RSF1: variants seen among roughly 807,000 people sequenced by gnomAD.
RSF1 encodes the protein HBV pX-associated protein 8.
In RSF1, 13 loss-of-function variants were observed where a neutral mutation model predicts 145.2. The observed-to-expected ratio is 0.09, with a 90% CI of 0.06 to 0.14. The LOEUF (loss-of-function observed/expected upper bound fraction) is 0.14, where lower values mean the gene tolerates loss of function less well. Among genes scored for constraint, RSF1 ranks in the 10% least tolerant of loss-of-function variants. RSF1 has a pLI of 1.00. For synonymous variants in RSF1, 577 were observed against 592.6 expected (o/e 0.97, Z 0.38); for missense variants, 1,517 against 1,718.2 (o/e 0.88, Z 2.07).
intron 4 of RSF1, 127 bp from the exon 5 acceptor site, chr11:77,725,826 C>A (rs771979268): frequency 3.2e-6 from 2 of 618,690 alleles, no homozygotes; most frequent in Non-Finnish European, 4.9e-6. Flanking sequence ...AACACTGGTA[C>A]AGCTAGCCCT....
the RSF1 span, among the ~76,000 whole-genome samples, chr11:77,827,751 T>C: frequency 1.3e-5 from 2 of 152,142 alleles, no homozygotes; most frequent in Non-Finnish European, 2.9e-5. Flanking sequence ...TTTAATATTA[T>C]ACTGGAGGTT....
intron 11 of RSF1, among the ~76,000 whole-genome samples, chr11:77,682,879 T>C (rs1959901288): frequency 6.7e-6 from 1 of 149,134 alleles, no homozygotes; most frequent in Admixed American, 6.6e-5. Flanking sequence ...AAACAGCATG[T>C]GCAAAGGGAC....
chr11:77,828,696 T>C, the RSF1 span, among the ~76,000 whole-genome samples: 12 of 141,378 alleles, frequency 8.5e-5, no homozygotes, highest in Non-Finnish European at 1.9e-4. Flanking sequence ...AGAAAGAAAA[T>C]TATAAAACAT....
the RSF1 span, among the ~76,000 whole-genome samples, chr11:77,853,442 T>C: frequency 1.3e-5 from 2 of 151,812 alleles, no homozygotes; most frequent in East Asian, 1.9e-4. Context: ...GCTATATACT[T>C]TTAAACAACC....
chr11:77,820,210 C>T (rs895190123), intron 1 of RSF1, among the ~76,000 whole-genome samples: 3 of 152,150 alleles, frequency 2.0e-5, no homozygotes, highest in African/African-American at 7.2e-5. Flanking sequence ...GGGGGCCGCC[C>T]TCCGCCGCGG....
At chr11:77,683,855 C>T in intron 10 of RSF1, 36 bp from the exon 11 acceptor site, 1 of 1,473,384 alleles carries the variant, frequency 6.8e-7, no homozygotes, top group East Asian at 2.3e-5. Context: ...GAGGTTATTC[C>T]TTATGCAGAA....
intron 5 of RSF1, among the ~76,000 whole-genome samples, chr11:77,716,974 T>TCA (rs1321474828): frequency 6.6e-6 from 1 of 151,900 alleles, no homozygotes; most frequent in African/African-American, 2.4e-5. Context: ...GCTCAGGAGT[T>TCA]CAAGACCAGC....
At chr11:77,748,214 A>ATCTTTTTTTTTTT (rs1047116915) in intron 2 of RSF1, among the ~76,000 whole-genome samples, 1 of 143,266 alleles carries the variant, frequency 7.0e-6, no homozygotes, top group African/African-American at 2.6e-5. Context: ...ATAATAGAGG[A>ATCTTTTTTTTTTT]TCTTTTTTTT....
intron 4 of RSF1, chr11:77,739,388 T>C (rs937047291): frequency 2.0e-5 from 3 of 148,618 alleles, no homozygotes; most frequent in African/African-American, 5.1e-5. Context: ...TATAATGTCA[T>C]GAATAGATCA....
intron 1 of RSF1, among the ~76,000 whole-genome samples, chr11:77,790,517 C>T (rs1948506328): frequency 6.6e-6 from 1 of 152,148 alleles, no homozygotes; most frequent in Non-Finnish European, 1.5e-5. Flanking sequence ...TCCCAACAGT[C>T]CCCCAAAGTC....
chr11:77,713,036 G>C (rs1400002236), intron 5 of RSF1, among the ~76,000 whole-genome samples: 1 of 152,144 alleles, frequency 6.6e-6, no homozygotes, highest in African/African-American at 2.4e-5. Flanking sequence ...TCTTACAGGA[G>C]AATGACATTT....
At chr11:77,668,662 A>G (rs577512517) in intron 15 of RSF1, among the ~76,000 whole-genome samples, 5 of 152,392 alleles carry the variant, frequency 3.3e-5, no homozygotes, top group Middle Eastern at 3.4e-3. Flanking sequence ...ACAATACAGT[A>G]TAACAATTAT....
intron 2 of RSF1, among the ~76,000 whole-genome samples, chr11:77,761,290 C>G (rs2135934791): frequency 6.6e-6 from 1 of 152,144 alleles, no homozygotes; most frequent in South Asian, 2.1e-4. Flanking sequence ...ACTGAGCCCC[C>G]CAAAATACTT....
intron 1 of RSF1, chr11:77,813,255 G>A: frequency 1.6e-6 from 1 of 631,550 alleles, no homozygotes; most frequent in Non-Finnish European, 2.9e-6. Flanking sequence ...TGATGAATGG[G>A]ATCAAGTCTG....
chr11:77,861,641 C>T, the RSF1 span, among the ~76,000 whole-genome samples: 131 of 152,224 alleles, frequency 8.6e-4, no homozygotes, highest in African/African-American at 2.9e-3. Flanking sequence ...GACGAGGGGG[C>T]GGCTTATTTC....
At chr11:77,850,227 T>C in the RSF1 span, among the ~76,000 whole-genome samples, 1 of 152,160 alleles carries the variant, frequency 6.6e-6, no homozygotes, top group African/African-American at 2.4e-5. Flanking sequence ...TAAGAAAATG[T>C]AAGGTCTTCA....
intron 5 of RSF1, among the ~76,000 whole-genome samples, chr11:77,710,612 A>G (rs78745346): frequency 6.6e-6 from 1 of 152,130 alleles, no homozygotes; most frequent in East Asian, 1.9e-4. Flanking sequence ...TGGCAAAACT[A>G]CTTCTCTGGT....
chr11:77,771,725 T>C (rs1948287632), intron 1 of RSF1, among the ~76,000 whole-genome samples: 1 of 152,188 alleles, frequency 6.6e-6, no homozygotes, highest in Non-Finnish European at 1.5e-5. Context: ...AAGTCCATTA[T>C]ATAACTTACT....
At chr11:77,795,521 C>A (rs1948563658) in intron 1 of RSF1, among the ~76,000 whole-genome samples, 1 of 152,138 alleles carries the variant, frequency 6.6e-6, no homozygotes, top group African/African-American at 2.4e-5. Context: ...TAAAATCAGA[C>A]ACACAGACCA....
Sources: allele counts gnomAD v4.1 joint callset (sites outside exome capture counted in the v4.1 genomes callset), GRCh38; gene constraint gnomAD v4.1.1; transcripts MANE v1.5; gene names NCBI Gene and HGNC (gene_info 2026-07-23, HGNC 2026-07-21).